The following ACTR3C variants were observed in gnomAD, a reference collection of about 807,000 sequenced individuals.
The protein encoded by ACTR3C is actin related protein 3C.
Under a neutral mutation model 26.3 loss-of-function variants are expected in ACTR3C, and 18 were observed. That is an observed-to-expected ratio of 0.68 (90% CI 0.47 to 1.01). The LOEUF (loss-of-function observed/expected upper bound fraction) is 1.01. ACTR3C is among the 50% of genes least tolerant of loss of function. The probability of loss-of-function intolerance (pLI) is 0.00; values close to 1 mark genes in which losing one functional copy is unlikely to be tolerated. For missense variants in ACTR3C, 184 were observed against 250.7 expected (o/e 0.73, Z 1.80); for synonymous variants, 55 against 94.5 (o/e 0.58, Z 2.42).
the ACTR3C span, among the ~76,000 whole-genome samples, chr7:150,136,278 A>G: frequency 1.3e-5 from 2 of 152,180 alleles, no homozygotes; most frequent in Non-Finnish European, 2.9e-5. Context: ...AACCTGTGGT[A>G]TTTTCAGAAA....
At chr7:150,089,637 T>C in the ACTR3C span, among the ~76,000 whole-genome samples, 1 of 152,220 alleles carries the variant, frequency 6.6e-6, no homozygotes, top group East Asian at 1.9e-4. Flanking sequence ...ACATTCTCAA[T>C]GGCATATTGG....
intron 6 of ACTR3C, among the ~76,000 whole-genome samples, chr7:150,259,447 T>A (rs188240867): frequency 0.023 from 3,476 of 152,304 alleles, 135 homozygotes; most frequent in African/African-American, 0.079. Flanking sequence ...CCTATCAAAG[T>A]ATTTTTCTGT....
At chr7:149,894,817 A>G in the ACTR3C span, among the ~76,000 whole-genome samples, 1 of 151,952 alleles carries the variant, frequency 6.6e-6, no homozygotes, top group African/African-American at 2.4e-5. Flanking sequence ...CCATTATGGA[A>G]AACAGTATAG....
intron 4 of ACTR3C, among the ~76,000 whole-genome samples, chr7:150,289,160 ATGAGGCTCCAGCAG>A (rs1484679987): frequency 2.0e-5 from 3 of 152,110 alleles, no homozygotes; most frequent in Non-Finnish European, 4.4e-5. Flanking sequence ...GCTCTGGTAG[ATGAGGCTCCAGCAG>A]TGAGGCTCCA....
chr7:150,106,600 T>A, the ACTR3C span, among the ~76,000 whole-genome samples: 1 of 140,434 alleles, frequency 7.1e-6, no homozygotes, highest in Non-Finnish European at 1.5e-5. Context: ...CTTAATTCAC[T>A]TATAAAAGGA....
chr7:150,017,766 C>T, the ACTR3C span, among the ~76,000 whole-genome samples: 1 of 150,136 alleles, frequency 6.7e-6, no homozygotes, highest in Non-Finnish European at 1.5e-5. Context: ...CCCATCTCTA[C>T]GTCCCCAGAA....
chr7:150,214,613 A>C, the ACTR3C span, among the ~76,000 whole-genome samples: 6 of 152,024 alleles, frequency 3.9e-5, no homozygotes, highest in Non-Finnish European at 8.8e-5. Context: ...TCATCTCAAC[A>C]AATTAAGAAT....
At chr7:150,039,942 G>C in the ACTR3C span, among the ~76,000 whole-genome samples, 2 of 134,026 alleles carry the variant, frequency 1.5e-5, no homozygotes, top group Non-Finnish European at 3.3e-5. Context: ...AGCCAGGGGA[G>C]GAAAGGGGGA....
the ACTR3C span, among the ~76,000 whole-genome samples, chr7:150,066,092 G>A: frequency 2.0e-5 from 3 of 152,310 alleles, no homozygotes; most frequent in East Asian, 3.9e-4. Context: ...CAAAACAAAT[G>A]TTATCTTAAG....
chr7:150,198,927 A>T, the ACTR3C span, among the ~76,000 whole-genome samples: 1 of 114,620 alleles, frequency 8.7e-6, no homozygotes. Context: ...TCCGGGAGGG[A>T]GGTGGGGGGG....
the ACTR3C span, among the ~76,000 whole-genome samples, chr7:150,140,246 A>G: frequency 6.6e-6 from 1 of 152,212 alleles, no homozygotes; most frequent in Admixed American, 6.5e-5. Flanking sequence ...GAAGGTGAAG[A>G]GCGCATTCCT....
chr7:149,907,999 T>C, the ACTR3C span, among the ~76,000 whole-genome samples: 2 of 151,694 alleles, frequency 1.3e-5, 1 homozygote, highest in South Asian at 4.2e-4. Context: ...TCAATGTGAC[T>C]GTATTTGGAG....
chr7:150,316,560 AC>A (rs1796930184), intron 1 of ACTR3C, among the ~76,000 whole-genome samples: 1 of 139,392 alleles, frequency 7.2e-6, no homozygotes, highest in Non-Finnish European at 1.5e-5. Flanking sequence ...ATCTCAGCTC[AC>A]TGCAACCTCT....
At chr7:150,190,564 G>T in the ACTR3C span, among the ~76,000 whole-genome samples, 2 of 152,108 alleles carry the variant, frequency 1.3e-5, no homozygotes, top group Admixed American at 1.3e-4. Context: ...TTTTTCATAC[G>T]CATGTCCCGT....
chr7:150,323,383 C>A (rs1477010090), intron 1 of ACTR3C, 86 bp downstream of exon 1: 3 of 295,212 alleles, frequency 1.0e-5, no homozygotes, highest in Non-Finnish European at 2.0e-5. Flanking sequence ...CTGGGAGAAG[C>A]ACGCTGGCCA....
chr7:150,290,436 G>A (rs550431361), intron 3 of ACTR3C, among the ~76,000 whole-genome samples: 250 of 152,342 alleles, frequency 1.6e-3, no homozygotes, highest in Non-Finnish European at 2.2e-3. Flanking sequence ...CAGGGGATGA[G>A]CAGGATGCTG....
chr7:150,037,772 C>A, the ACTR3C span, among the ~76,000 whole-genome samples: 1 of 48,044 alleles, frequency 2.1e-5, no homozygotes, highest in East Asian at 1.0e-3. Flanking sequence ...GGGGTGCCTC[C>A]CCCTCCTGCG....
the ACTR3C span, among the ~76,000 whole-genome samples, chr7:149,945,125 G>A: frequency 0.17 from 25,352 of 151,630 alleles, 2,631 homozygotes; most frequent in African/African-American, 0.3. Flanking sequence ...GGGATTATTG[G>A]GGAGCATGAT....
intron 1 of ACTR3C, among the ~76,000 whole-genome samples, chr7:150,310,112 G>C (rs1385258686): frequency 6.6e-6 from 1 of 152,002 alleles, no homozygotes; most frequent in Non-Finnish European, 1.5e-5. Flanking sequence ...CCCTTATTAG[G>C]CTGAGACATT....
Sources: allele counts gnomAD v4.1 joint callset (sites outside exome capture counted in the v4.1 genomes callset), GRCh38; gene constraint gnomAD v4.1.1; transcripts MANE v1.5; gene names NCBI Gene and HGNC (gene_info 2026-07-23, HGNC 2026-07-21).